KCNN2: variants seen among roughly 807,000 people sequenced by gnomAD.
KCNN2 encodes small conductance calcium-activated potassium channel protein 2.
KCNN2 carries 24 observed loss-of-function variants against 55.5 expected under a neutral mutation model. The ratio of observed to expected loss-of-function variants is 0.43; its 90% CI spans 0.31 to 0.61. The LOEUF is 0.61. KCNN2 is among the 20% of genes least tolerant of loss of function. The pLI is 0.08. For missense variants in KCNN2, 754 were observed against 853.6 expected, an observed-to-expected ratio of 0.88 and a Z score of 1.45; for synonymous variants, 431 against 336.1, an observed-to-expected ratio of 1.28 and a Z score of -3.09.
chr5:114,487,347 C>T (rs1334832807), intron 6 of KCNN2, among the ~76,000 whole-genome samples, 170 bp downstream of exon 6: 1 of 152,042 alleles, frequency 6.6e-6, no homozygotes, highest in African/African-American at 2.4e-5. Context: ...TGAGAATAAC[C>T]TCAGTTCCTT....
chr5:114,142,137 G>T (rs777917916), intron 1 of KCNN2, among the ~76,000 whole-genome samples: 2 of 152,068 alleles, frequency 1.3e-5, no homozygotes, highest in Admixed American at 1.3e-4. Flanking sequence ...TTAGTTTAAT[G>T]AGATCCCATT....
At chr5:114,233,338 T>C (rs1438667514) in intron 2 of KCNN2, among the ~76,000 whole-genome samples, 1 of 152,210 alleles carries the variant, frequency 6.6e-6, no homozygotes, top group Non-Finnish European at 1.5e-5. Flanking sequence ...TATTTGATTA[T>C]GTTTTACATC....
intron 1 of KCNN2, among the ~76,000 whole-genome samples, chr5:114,183,523 T>G (rs1753276486): frequency 6.6e-6 from 1 of 152,126 alleles, no homozygotes. Flanking sequence ...TTCAATTTCT[T>G]GATAGATATA....
chr5:114,449,916 GCT>G lies in KCNN2; in HGVS notation c.1638-13131_1638-13130del, dbSNP rs1398806596. On this transcript the variant is annotated intron_variant, in intron 3 of 7. Transcript: ENST00000673685. The stretch of plus-strand genomic sequence containing the variant: ...CACACACACACACACACACGCGCGC[GCT>G]CGCGTGCGCGCACTCTTCCCTTAGA... Among the ~76,000 whole-genome samples the G allele has an allele frequency of 5.1e-3, 708 of 138,346 alleles. 2 individuals carry two copies. Among genetic ancestry groups the G allele is most frequent in the Non-Finnish European group, 4.3e-3 (289 of 67,522 alleles). The allele number at this position is 138,346 out of a possible 152,430, so 90.8% of individuals were successfully genotyped here.
intron 2 of KCNN2, among the ~76,000 whole-genome samples, chr5:114,234,895 G>C (rs1580645667): frequency 1.3e-5 from 2 of 152,172 alleles, no homozygotes; most frequent in Non-Finnish European, 2.9e-5. Flanking sequence ...AGTTCAGTAT[G>C]TGTTATGAGT....
chr5:114,118,247 C>T (rs1751750726), intron 1 of KCNN2, among the ~76,000 whole-genome samples: 1 of 152,124 alleles, frequency 6.6e-6, no homozygotes, highest in African/African-American at 2.4e-5. Flanking sequence ...CACCCCGTTC[C>T]CTAAAAAACC....
Position 114,241,795 on chromosome 5 carries a change from TATATATATAC to T in KCNN2, c.-185+20231_-185+20240del, listed in dbSNP as rs1561537211. Among the ~76,000 whole-genome samples the T allele has an allele frequency of 8.3e-3, 223 of 26,802 alleles. 53 individuals carry two copies. The highest frequency in any genetic ancestry group is 0.037 in the African/African-American group (212 of 5,766). 17.6% of individuals were successfully genotyped at this position (26,802 alleles called of 152,430 possible). On this transcript the variant is annotated intron_variant, in intron 2 of 10. Transcript: ENST00000512097. Reference sequence around the variant, plus strand: ...ATATACATATATACGTATATATATGTATATATATACGTATATATATATATGTGTGTATATA... The same window carrying T: ...ATATACATATATACGTATATATATGTGTATATATATATATGTGTGTATATA...
intron 1 of KCNN2, among the ~76,000 whole-genome samples, chr5:114,156,668 T>C (rs1162633219): frequency 6.6e-6 from 1 of 152,094 alleles, no homozygotes; most frequent in Non-Finnish European, 1.5e-5. Context: ...TCTTTCATGA[T>C]TTGGCTCTTG....
intron 2 of KCNN2, among the ~76,000 whole-genome samples, chr5:114,225,924 T>C (rs2086125356): frequency 1.3e-5 from 2 of 152,182 alleles, no homozygotes; most frequent in African/African-American, 4.8e-5. Context: ...CAAAATGAAT[T>C]GAAGAGGGAC....
intron 2 of KCNN2, among the ~76,000 whole-genome samples, chr5:114,327,925 G>C (rs1756742108): frequency 6.6e-6 from 1 of 152,160 alleles, no homozygotes; most frequent in African/African-American, 2.4e-5. Flanking sequence ...CTATTAGTAT[G>C]TGCTTGACAT....
chr5:114,453,059 G>A (rs1443580520), intron 3 of KCNN2, among the ~76,000 whole-genome samples: 2 of 152,136 alleles, frequency 1.3e-5, no homozygotes, highest in African/African-American at 2.4e-5. Context: ...GAAATTAAAC[G>A]GATTTGGACA....
chr5:114,264,775 C>T (rs376929451), intron 2 of KCNN2, among the ~76,000 whole-genome samples: 3 of 152,144 alleles, frequency 2.0e-5, no homozygotes, highest in Non-Finnish European at 4.4e-5. Flanking sequence ...GAATGCCCCC[C>T]CAGGGCAGCA....
At chr5:114,132,635 C>CAA (rs1752095470) in intron 1 of KCNN2, among the ~76,000 whole-genome samples, 1 of 152,038 alleles carries the variant, frequency 6.6e-6, no homozygotes, top group African/African-American at 2.4e-5. Context: ...TCTAATGGTT[C>CAA]ATTATTATTT....
At chr5:114,351,886 A>G (rs1388664494) in intron 2 of KCNN2, among the ~76,000 whole-genome samples, 2 of 151,782 alleles carry the variant, frequency 1.3e-5, no homozygotes, top group East Asian at 1.9e-4. Context: ...ATCTATATAC[A>G]TAAATGTAGT....
chr5:114,437,355 G>A (rs1301953386), intron 3 of KCNN2, among the ~76,000 whole-genome samples: 1 of 152,076 alleles, frequency 6.6e-6, no homozygotes, highest in Non-Finnish European at 1.5e-5. Context: ...AGGAAGAGAG[G>A]ACGTGAATGA....
chr5:114,102,635 A>G (rs533957516), intron 1 of KCNN2, among the ~76,000 whole-genome samples: 15 of 152,156 alleles, frequency 9.9e-5, no homozygotes, highest in Non-Finnish European at 1.8e-4. Flanking sequence ...GGAGGGGTCC[A>G]GTTTCAGTTT....
intron 1 of KCNN2, among the ~76,000 whole-genome samples, chr5:114,067,759 G>A (rs1552450): frequency 0.79 from 120,596 of 152,140 alleles, 48,191 homozygotes; most frequent in African/African-American, 0.91. Flanking sequence ...GTATACTGTC[G>A]ATAGAATTTG....
At chr5:114,114,753 A>G (rs1446179348) in intron 1 of KCNN2, among the ~76,000 whole-genome samples, 1 of 152,118 alleles carries the variant, frequency 6.6e-6, no homozygotes, top group East Asian at 1.9e-4. Flanking sequence ...ATCAGCATTC[A>G]CTGAGTGTCC....
chr5:114,161,441 C>A (rs1009551085), intron 1 of KCNN2, among the ~76,000 whole-genome samples: 1 of 147,018 alleles, frequency 6.8e-6, no homozygotes, highest in African/African-American at 2.5e-5. Context: ...AACATTTTTT[C>A]CTTCATTTCA....
Sources: allele counts gnomAD v4.1 joint callset (sites outside exome capture counted in the v4.1 genomes callset), GRCh38; gene constraint gnomAD v4.1.1; transcripts MANE v1.5; gene names NCBI Gene and HGNC (gene_info 2026-07-23, HGNC 2026-07-21).